The following EFR3A variants were observed in gnomAD, a reference collection of about 807,000 sequenced individuals.
The protein encoded by EFR3A is EFR3 homolog A.
In EFR3A, 76 loss-of-function variants were observed where a neutral mutation model predicts 104.4. The observed-to-expected ratio is 0.73, with a 90% confidence interval of 0.60 to 0.88. The LOEUF is 0.88. Among genes scored for constraint, EFR3A ranks in the 40% least tolerant of loss-of-function variants. EFR3A has a pLI of 0.00. For missense variants in EFR3A, 985 were observed against 1,012.5 expected, an observed-to-expected ratio of 0.97 and a Z score of 0.37; for synonymous variants, 330 against 330.0, an observed-to-expected ratio of 1.00 and a Z score of 0.00.
At chr8:131,993,271 C>G (rs1415175066) in intron 18 of EFR3A, among the ~76,000 whole-genome samples, 1 of 152,136 alleles carries the variant, frequency 6.6e-6, no homozygotes, top group South Asian at 2.1e-4. Flanking sequence ...TGCTCAGACT[C>G]GCTGTACATA....
intron 8 of EFR3A, among the ~76,000 whole-genome samples, chr8:131,967,578 A>C (rs1395296530): frequency 3.9e-5 from 6 of 152,206 alleles, no homozygotes; most frequent in South Asian, 2.1e-4. Context: ...CTTCAAAAAA[A>C]AAAAAAAAAC....
intron 20 of EFR3A, 101 bp downstream of exon 20, chr8:132,001,908 A>T: frequency 1.0e-6 from 1 of 985,578 alleles, no homozygotes; most frequent in East Asian, 2.4e-5. Context: ...TACAAAAATA[A>T]ACCAAAGAAA....
rs1443476550 is a variant in EFR3A, at chr8:132,012,551, A to T, written c.*1656A>T. ...TGGAACTTTGCCTCTTGATCAGGAA[A>T]AATGCTTCACCAGTCCGTAAAGCCA... On this transcript the variant is annotated 3_prime_UTR_variant, in exon 23 of 23. Coordinates refer to ENST00000254624, the MANE Select transcript of EFR3A (RefSeq NM_015137.6). 5.2e-5 allele frequency: 8 copies of T among 152,582 alleles called. No individual in the cohort carries two copies. The highest frequency in any genetic ancestry group is 1.9e-4 in the African/African-American group (8 of 41,424). 9.5% of individuals were successfully genotyped at this position (152,582 alleles called of 1,614,324 possible).
chr8:131,941,234 A>G (rs557066846), intron 2 of EFR3A, among the ~76,000 whole-genome samples: 34 of 152,088 alleles, frequency 2.2e-4, no homozygotes, highest in African/African-American at 7.5e-4. Flanking sequence ...CAATTATTTT[A>G]TTTGTGAAGA....
intron 10 of EFR3A, among the ~76,000 whole-genome samples, chr8:131,975,465 G>A (rs2130721974): frequency 8.1e-6 from 1 of 123,402 alleles, no homozygotes; most frequent in Middle Eastern, 8.6e-3. Context: ...TGCCCAGGCT[G>A]GAGTGCAGTG....
At chr8:131,908,882 A>T (rs1316636282) in intron 1 of EFR3A, among the ~76,000 whole-genome samples, 1 of 152,216 alleles carries the variant, frequency 6.6e-6, no homozygotes, top group Non-Finnish European at 1.5e-5. Context: ...ACATTTATGG[A>T]GTAGGGTACA....
At chr8:131,961,471 A>G (rs1043095561) in intron 8 of EFR3A, among the ~76,000 whole-genome samples, 1 of 152,234 alleles carries the variant, frequency 6.6e-6, no homozygotes, top group Admixed American at 6.5e-5. Context: ...GTGATGGAAG[A>G]TCAAATGAAT....
At chr8:131,963,963 A>T (rs1404863878) in intron 8 of EFR3A, among the ~76,000 whole-genome samples, 5 of 152,210 alleles carry the variant, frequency 3.3e-5, no homozygotes, top group African/African-American at 9.7e-5. Context: ...AGAACCAAAG[A>T]CAAAAACCGC....
chr8:131,949,869 T>G, intron 4 of EFR3A, 100 bp from the exon 5 acceptor site: 2 of 1,108,960 alleles, frequency 1.8e-6, no homozygotes, highest in Non-Finnish European at 1.3e-6. Flanking sequence ...TTGTTACTTA[T>G]TTTTATATTG....
At chr8:131,977,012 A>G in intron 11 of EFR3A, 29 bp from the exon 12 acceptor site, 2 of 1,499,634 alleles carry the variant, frequency 1.3e-6, no homozygotes, top group South Asian at 1.2e-5. Flanking sequence ...GCTAATTAGT[A>G]TAATAATTCA....
chr8:131,976,861 A>G (rs907080475), intron 11 of EFR3A, among the ~76,000 whole-genome samples, 180 bp from the exon 12 acceptor site: 3 of 152,172 alleles, frequency 2.0e-5, no homozygotes, highest in Admixed American at 6.5e-5. Flanking sequence ...ATTTTTAAAT[A>G]TAATAGTTTT....
chr8:131,995,413 T>G (rs2130787860), intron 18 of EFR3A, among the ~76,000 whole-genome samples: 1 of 152,338 alleles, frequency 6.6e-6, no homozygotes, highest in Middle Eastern at 3.4e-3. Context: ...AACTGTAAGC[T>G]GCACGGGATG....
chr8:131,968,182 G>T (rs551858497), intron 8 of EFR3A, 113 bp from the exon 9 acceptor site: 1 of 943,994 alleles, frequency 1.1e-6, no homozygotes, highest in South Asian at 1.9e-5. Flanking sequence ...CTCATAACAT[G>T]ACCACCAGTC....
At chr8:132,008,528 CAT>C (rs113457989) in intron 22 of EFR3A, among the ~76,000 whole-genome samples, 4,452 of 151,914 alleles carry the variant, frequency 0.029, 85 homozygotes, top group Middle Eastern at 0.051. Context: ...ATCTGAAAAA[CAT>C]ATTAAGTAAC....
rs777516413 is a variant in EFR3A, at chr8:131,953,782, A to G, written c.489-36A>G. 25 of 1,478,998 alleles carry G rather than the reference A, an allele frequency of 1.7e-5. No individual in the cohort carries two copies. In the Admixed American group the frequency reaches 2.3e-4, roughly 14 times the overall value. 91.6% of individuals were successfully genotyped at this position (1,478,998 alleles called of 1,614,324 possible). ...ACAGTCTTGTTTAAATAATTTTTTT[A>G]TGGCTCATTTTCTTCCTTTTTTTTT... On this transcript the variant is annotated intron_variant, in intron 5 of 22. Transcript: ENST00000254624.
chr8:131,980,970 G>A (rs1483524740), intron 14 of EFR3A, among the ~76,000 whole-genome samples: 2 of 151,092 alleles, frequency 1.3e-5, no homozygotes, highest in Non-Finnish European at 2.9e-5. Flanking sequence ...CATCCATATT[G>A]TCAAAAATGA....
At chr8:132,002,512 G>T in intron 20 of EFR3A, 91 bp from the exon 21 acceptor site, 6 of 961,974 alleles carry the variant, frequency 6.2e-6, no homozygotes, top group South Asian at 4.0e-5. Flanking sequence ...CCTTAATTTT[G>T]GATGATATAT....
At chr8:132,008,846 C>CA (rs55964352) in intron 22 of EFR3A, among the ~76,000 whole-genome samples, 1,054 of 32,080 alleles carry the variant, frequency 0.033, 143 homozygotes, top group African/African-American at 0.056. Context: ...AACTCCATCT[C>CA]AAAAAAAAAA....
chr8:131,926,002 A>G (rs1817280447), intron 1 of EFR3A, among the ~76,000 whole-genome samples: 1 of 152,106 alleles, frequency 6.6e-6, no homozygotes, highest in African/African-American at 2.4e-5. Flanking sequence ...AAGGTCAGTA[A>G]TCACACTGTC....
Sources: gnomAD v4.1 joint callset for allele counts (sites outside exome capture counted in the v4.1 genomes callset) on GRCh38, gnomAD v4.1.1 for gene constraint, MANE v1.5 for transcripts, NCBI Gene and HGNC (gene_info 2026-07-23, HGNC 2026-07-21) for gene names.